The following TBC1D19 variants were observed in gnomAD, a reference collection of about 807,000 sequenced individuals.
TBC1D19 encodes the protein TBC1 domain family member 19.
TBC1D19 carries 60 observed loss-of-function variants against 89.0 expected under a neutral mutation model. The observed-to-expected ratio is 0.67, with a 90% confidence interval of 0.55 to 0.84. The LOEUF (loss-of-function observed/expected upper bound fraction) is 0.84. Among genes scored for constraint, TBC1D19 ranks in the 40% least tolerant of loss-of-function variants. TBC1D19 has a pLI of 0.00. For missense variants in TBC1D19, 500 were observed against 610.8 expected (o/e 0.82, Z 1.91); for synonymous variants, 189 against 199.7 (o/e 0.95, Z 0.45).
At chr4:26,688,115 A>G (rs953431902) in intron 12 of TBC1D19, among the ~76,000 whole-genome samples, 6 of 152,188 alleles carry the variant, frequency 3.9e-5, no homozygotes, top group Admixed American at 2.0e-4. Context: ...TGAAATAAAT[A>G]TTAAAGAATT....
chr4:26,799,436 T>C, the TBC1D19 span, among the ~76,000 whole-genome samples: 26 of 152,320 alleles, frequency 1.7e-4, no homozygotes, highest in African/African-American at 5.8e-4. Flanking sequence ...CAGATACACA[T>C]ATTTGACCAG....
chr4:26,787,502 A>G, the TBC1D19 span, among the ~76,000 whole-genome samples: 1 of 152,164 alleles, frequency 6.6e-6, no homozygotes, highest in Admixed American at 6.5e-5. Flanking sequence ...AGATGGATGG[A>G]AAAGAGGAAA....
downstream of TBC1D19, among the ~76,000 whole-genome samples, chr4:26,759,126 C>A (rs1175681926): frequency 6.6e-6 from 1 of 152,156 alleles, no homozygotes; most frequent in East Asian, 1.9e-4. Flanking sequence ...TCTTAAGAAT[C>A]CTTAACCCCT....
At chr4:26,746,459 A>G (rs1485916327) in intron 18 of TBC1D19, among the ~76,000 whole-genome samples, 9 of 151,846 alleles carry the variant, frequency 5.9e-5, no homozygotes, top group Admixed American at 3.9e-4. Flanking sequence ...TTCCTCCATC[A>G]TTCTCATTTT....
chr4:26,735,621 A>T, intron 16 of TBC1D19, 134 bp downstream of exon 16: 2 of 742,972 alleles, frequency 2.7e-6, no homozygotes, highest in South Asian at 5.5e-5. Context: ...AGTGAAATGC[A>T]TGCTAGTTCC....
intron 9 of TBC1D19, among the ~76,000 whole-genome samples, chr4:26,668,748 C>T (rs779744804): frequency 4.6e-5 from 7 of 151,830 alleles, no homozygotes; most frequent in African/African-American, 4.8e-5. Flanking sequence ...TTAAGCGTGG[C>T]TTAAGGGAAT....
the TBC1D19 span, among the ~76,000 whole-genome samples, chr4:26,774,575 C>G: frequency 6.6e-6 from 1 of 152,124 alleles, no homozygotes; most frequent in African/African-American, 2.4e-5. Context: ...ATTATAAGTG[C>G]TGTTGTTTAA....
intron 6 of TBC1D19, among the ~76,000 whole-genome samples, chr4:26,639,689 C>T (rs150682598): frequency 1.3e-5 from 2 of 152,190 alleles, no homozygotes; most frequent in African/African-American, 4.8e-5. Context: ...CCTTCCTTTA[C>T]CACTGCTAAA....
At chr4:26,801,342 G>C in the TBC1D19 span, among the ~76,000 whole-genome samples, 64 of 152,148 alleles carry the variant, frequency 4.2e-4, 1 homozygote, top group African/African-American at 1.5e-3. Context: ...ATTTCTGAGG[G>C]TTCTGTTCTG....
chr4:26,800,197 T>C, the TBC1D19 span, among the ~76,000 whole-genome samples: 1 of 152,150 alleles, frequency 6.6e-6, no homozygotes, highest in Admixed American at 6.5e-5. Context: ...GATGTTCTCC[T>C]TCCTGTGTCC....
chr4:26,698,621 G>C (rs536920793), intron 13 of TBC1D19, among the ~76,000 whole-genome samples: 13 of 152,202 alleles, frequency 8.5e-5, no homozygotes. Flanking sequence ...TACACTACAA[G>C]GCTACAGTAA....
the TBC1D19 span, among the ~76,000 whole-genome samples, chr4:26,852,482 G>A: frequency 2.0e-5 from 3 of 152,116 alleles, no homozygotes; most frequent in Non-Finnish European, 2.9e-5. Flanking sequence ...CATTGAGCCC[G>A]AGAAGTCAAG....
the TBC1D19 span, among the ~76,000 whole-genome samples, chr4:26,832,980 C>A: frequency 6.6e-6 from 1 of 152,066 alleles, no homozygotes; most frequent in African/African-American, 2.4e-5. Flanking sequence ...GATGAGAGAG[C>A]AAGACCCTGT....
At chr4:26,799,968 G>C in the TBC1D19 span, among the ~76,000 whole-genome samples, 1 of 152,020 alleles carries the variant, frequency 6.6e-6, no homozygotes, top group Non-Finnish European at 1.5e-5. Flanking sequence ...ACTGTGTATA[G>C]ATTTAATTGC....
the TBC1D19 span, among the ~76,000 whole-genome samples, chr4:26,782,601 C>T: frequency 6.6e-6 from 1 of 152,142 alleles, no homozygotes; most frequent in East Asian, 1.9e-4. Flanking sequence ...AGAGACAAAG[C>T]TTAAACCAAA....
At chr4:26,807,407 G>A in the TBC1D19 span, among the ~76,000 whole-genome samples, 1 of 152,324 alleles carries the variant, frequency 6.6e-6, no homozygotes, top group East Asian at 1.9e-4. Flanking sequence ...CGGGCCAGGT[G>A]CTGGGCCTGA....
At chr4:26,659,845 C>G (rs1745111403) in intron 8 of TBC1D19, 138 bp downstream of exon 8, 1 of 496,788 alleles carries the variant, frequency 2.0e-6, no homozygotes, top group Non-Finnish European at 3.5e-6. Context: ...TCTTTTATTG[C>G]AAATATGTAT....
chr4:26,804,390 C>A, the TBC1D19 span, among the ~76,000 whole-genome samples: 1 of 152,232 alleles, frequency 6.6e-6, no homozygotes, highest in Non-Finnish European at 1.5e-5. Flanking sequence ...AGTTGATCCA[C>A]TGGCTTCGGC....
chr4:26,664,438 A>G (rs950117684), intron 8 of TBC1D19, among the ~76,000 whole-genome samples: 1 of 152,182 alleles, frequency 6.6e-6, no homozygotes, highest in Non-Finnish European at 1.5e-5. Context: ...AGAACCTAAT[A>G]TTAAAGCATT....
Sources: allele counts gnomAD v4.1 joint callset (sites outside exome capture counted in the v4.1 genomes callset), GRCh38; gene constraint gnomAD v4.1.1; transcripts MANE v1.5; gene names NCBI Gene and HGNC (gene_info 2026-07-23, HGNC 2026-07-21).